The following ARSK variants were observed in gnomAD, a reference collection of about 807,000 sequenced individuals.
The protein encoded by ARSK is arylsulfatase family member K, also known as arylsulfatase K.
In ARSK, 37 loss-of-function variants were observed where a neutral mutation model predicts 53.2. That is an observed-to-expected ratio of 0.70 (90% CI 0.54 to 0.92). ARSK has a LOEUF of 0.92. Among genes scored for constraint, ARSK ranks in the 40% least tolerant of loss-of-function variants. ARSK has a pLI of 0.00. For synonymous variants in ARSK, 208 were observed against 223.2 expected, an observed-to-expected ratio of 0.93 and a Z score of 0.61; for missense variants, 613 against 643.0, an observed-to-expected ratio of 0.95 and a Z score of 0.51.
At chr5:95,590,235 C>T (rs1749189159) in intron 5 of ARSK, among the ~76,000 whole-genome samples, 1 of 152,124 alleles carries the variant, frequency 6.6e-6, no homozygotes, top group Admixed American at 6.6e-5. Flanking sequence ...GGAGAAAGGG[C>T]ATTCACCATA....
chr5:95,561,991 G>A (rs1748643881), intron 1 of ARSK, among the ~76,000 whole-genome samples: 2 of 152,310 alleles, frequency 1.3e-5, no homozygotes, highest in African/African-American at 4.8e-5. Context: ...ACGGCGAGCA[G>A]ATCACCTGAG....
chr5:95,566,142 A>C lies in ARSK; in HGVS notation c.256+15A>C. On this transcript the variant is annotated intron_variant, in intron 2 of 7. Coordinates refer to ENST00000380009, the MANE Select transcript of ARSK (RefSeq NM_198150.3). ...ATCACGCGCAGGTATGAACATCCTT[A>C]ATATGAATGGGAGAAAGTGGCTACA... 1 of 1,610,758 alleles carries C rather than the reference A, an allele frequency of 6.2e-7. No individual in the cohort carries two copies. The highest frequency in any genetic ancestry group is 8.5e-7 in the Non-Finnish European group (1 of 1,179,142).
intron 1 of ARSK, among the ~76,000 whole-genome samples, chr5:95,564,726 C>CCTT (rs1748699037): frequency 6.6e-6 from 1 of 152,182 alleles, no homozygotes; most frequent in Non-Finnish European, 1.5e-5. Flanking sequence ...TGGCACACTG[C>CCTT]CTTCTCTCAG....
At chr5:95,599,000 C>T (rs1749355395) in intron 6 of ARSK, among the ~76,000 whole-genome samples, 2 of 152,182 alleles carry the variant, frequency 1.3e-5, no homozygotes, top group South Asian at 2.1e-4. Context: ...TGCCATCACT[C>T]TCTATCTCCC....
Position 95,591,635 on chromosome 5 carries a change from G to A in ARSK, c.1096+10G>A, listed in dbSNP as rs1403589560. On this transcript the variant is annotated intron_variant, in intron 6 of 7. Transcript: ENST00000380009. ...TACCCTACCATGCTTGGTAAGTAATGTAGTTCTGTAAATATTTATTTGTAA... is the reference window on the plus strand; with the variant it reads ...TACCCTACCATGCTTGGTAAGTAATATAGTTCTGTAAATATTTATTTGTAA... 11 of 1,608,608 alleles carry A rather than the reference G, an allele frequency of 6.8e-6. No homozygotes were observed. Among genetic ancestry groups the A allele is most frequent in the Non-Finnish European group, 9.4e-6 (11 of 1,175,106 alleles).
chr5:95,585,792 T>TC (rs1175106677), intron 4 of ARSK, among the ~76,000 whole-genome samples: 1 of 152,072 alleles, frequency 6.6e-6, no homozygotes, highest in Non-Finnish European at 1.5e-5. Flanking sequence ...CCACGCCTGT[T>TC]CCCCAAAAAC....
intron 2 of ARSK, among the ~76,000 whole-genome samples, chr5:95,567,200 T>C (rs1290163196): frequency 6.6e-6 from 1 of 152,210 alleles, no homozygotes; most frequent in Non-Finnish European, 1.5e-5. Flanking sequence ...AGATGTTGTT[T>C]TTCCTGGAAG....
rs1385324424 is a variant in ARSK at position 95,555,347 on chromosome 5, G to A, written c.69G>A (p.Glu23=). ...CGGTACTGGCCCCCGGAGCAGGGGA[G>A]CAGAGGCGGAGAGCAGCCAAAGCGC... The part of the protein sequence containing the change: ...ALAVLAPGAG[E]QRRRAAKAPN... Residue 23 remains glutamate (E), a synonymous_variant, in exon 1 of 8, where the codon GAG becomes GAA. Coordinates refer to ENST00000380009, the MANE Select transcript of ARSK (RefSeq NM_198150.3). This position sits in a 1 kb window ranked among gnomAD's most constrained non-coding sequence, Gnocchi z 4.0. The A allele has an allele frequency of 6.2e-7, 1 of 1,610,170 alleles. No homozygotes were observed. The highest frequency in any genetic ancestry group is 1.1e-5 in the South Asian group (1 of 90,676).
chr5:95,586,825 A>AG, intron 5 of ARSK, 92 bp downstream of exon 5: 4 of 1,127,540 alleles, frequency 3.5e-6, no homozygotes, highest in Non-Finnish European at 4.9e-6. Context: ...ACTTTCTTAC[A>AG]AAGTTGCTTA....
At chr5:95,564,928 C>G (rs1455372605) in intron 1 of ARSK, among the ~76,000 whole-genome samples, 2 of 152,070 alleles carry the variant, frequency 1.3e-5, no homozygotes, top group Non-Finnish European at 2.9e-5. Flanking sequence ...TAAATACTCC[C>G]AAGTTTTATT....
intron 5 of ARSK, among the ~76,000 whole-genome samples, chr5:95,587,535 T>C (rs1295396493): frequency 1.3e-5 from 2 of 151,858 alleles, no homozygotes; most frequent in Non-Finnish European, 2.9e-5. Context: ...ATTCACTGGG[T>C]AAAAATAGAA....
chr5:95,577,436 T>C (rs1002871835), intron 3 of ARSK, among the ~76,000 whole-genome samples: 1 of 152,242 alleles, frequency 6.6e-6, no homozygotes, highest in African/African-American at 2.4e-5. Context: ...GAGAGTTTTA[T>C]GTCTGAGTGA....
intron 3 of ARSK, among the ~76,000 whole-genome samples, chr5:95,574,149 C>T (rs778530878): frequency 6.6e-6 from 1 of 152,158 alleles, no homozygotes; most frequent in Non-Finnish European, 1.5e-5. Flanking sequence ...ACCTCCAGTT[C>T]CATCCATGTT....
intron 3 of ARSK, among the ~76,000 whole-genome samples, chr5:95,568,354 T>G (rs1347122388): frequency 6.6e-6 from 1 of 152,254 alleles, no homozygotes; most frequent in African/African-American, 2.4e-5. Flanking sequence ...TTATTAATTT[T>G]AAAATCTGTT....
chr5:95,559,017 T>C (rs962858824), intron 1 of ARSK, among the ~76,000 whole-genome samples: 8 of 152,172 alleles, frequency 5.3e-5, no homozygotes, highest in Admixed American at 2.6e-4. Context: ...GGCAGGCACC[T>C]GTAATCCCAG....
chr5:95,596,282 A>G (rs1193823132), intron 6 of ARSK, among the ~76,000 whole-genome samples: 1 of 152,200 alleles, frequency 6.6e-6, no homozygotes, highest in African/African-American at 2.4e-5. Flanking sequence ...TCTACAAAGG[A>G]CTTCTTATTT....
intron 1 of ARSK, 73 bp from the exon 2 acceptor site, chr5:95,565,925 A>G: frequency 2.1e-6 from 3 of 1,401,800 alleles, no homozygotes; most frequent in Non-Finnish European, 2.9e-6. Flanking sequence ...GCTATTGTAA[A>G]TTTTATGGTT....
chr5:95,580,490 A>C (rs1749004209), intron 3 of ARSK, among the ~76,000 whole-genome samples: 1 of 152,230 alleles, frequency 6.6e-6, no homozygotes, highest in South Asian at 2.1e-4. Flanking sequence ...TAATGTCAAA[A>C]GAGTTATCTT....
intron 1 of ARSK, among the ~76,000 whole-genome samples, chr5:95,560,046 A>C (rs1438023599): frequency 6.6e-6 from 1 of 152,208 alleles, no homozygotes; most frequent in Non-Finnish European, 1.5e-5. Context: ...TGATTAACAC[A>C]CTTATAGTCA....
Sources: allele counts gnomAD v4.1 joint callset (sites outside exome capture counted in the v4.1 genomes callset), GRCh38; gene constraint gnomAD v4.1.1; non-coding constraint Gnocchi (gnomAD v3.1); transcripts MANE v1.5; gene names NCBI Gene and HGNC (gene_info 2026-07-23, HGNC 2026-07-21).